Variants in CRPPA observed in about 807,000 individuals in gnomAD.
CRPPA encodes the protein D-ribitol-5-phosphate cytidylyltransferase.
Under a neutral mutation model 52.0 loss-of-function variants are expected in CRPPA, and 43 were observed. The observed-to-expected ratio is 0.83, with a 90% CI of 0.65 to 1.07. CRPPA has a LOEUF of 1.07. Ranked by LOEUF, CRPPA falls within the 50% of genes least tolerant of loss-of-function variation. CRPPA has a pLI of 0.00. For synonymous variants in CRPPA, 250 were observed against 203.5 expected, an observed-to-expected ratio of 1.23 and a Z score of -1.94; for missense variants, 629 against 551.7, an observed-to-expected ratio of 1.14 and a Z score of -1.40.
At chr7:16,316,871 ATTAAG>A in intron 3 of CRPPA, among the ~76,000 whole-genome samples, 1 of 152,202 alleles carries the variant, frequency 6.6e-6, no homozygotes, top group Non-Finnish European at 1.5e-5. Context: ...ATAGAAAAAT[ATTAAG>A]TTATTTAAAA....
intron 2 of CRPPA, among the ~76,000 whole-genome samples, chr7:16,379,229 T>G (rs1430606726): frequency 6.6e-6 from 1 of 152,230 alleles, no homozygotes; most frequent in Non-Finnish European, 1.5e-5. Context: ...TCTAGGGTTT[T>G]TATGGTTTTA....
At chr7:16,274,832 G>A (rs1158370764) in intron 6 of CRPPA, among the ~76,000 whole-genome samples, 5 of 152,106 alleles carry the variant, frequency 3.3e-5, no homozygotes, top group African/African-American at 7.2e-5. Flanking sequence ...GAACAATAAA[G>A]GGGAGAAAGA....
In CRPPA at chr7:16,125,413, T is replaced by TTA. The variant is rs563060120; in HGVS notation, c.1252-33616_1252-33615dup. Among the ~76,000 whole-genome samples, 688 of 152,232 alleles carry TTA rather than the reference T, an allele frequency of 4.5e-3. 6 individuals carry two copies. The highest frequency in any genetic ancestry group is 0.015 in the African/African-American group (631 of 41,542). ...TCTCTGTCATTTACTATGGGGCCAT[T>TTA]TATATAGCATACAATTTATCTAAAA... is the stretch of plus-strand genomic sequence containing the variant. On this transcript the variant is annotated intron_variant, in intron 9 of 9. Coordinates refer to ENST00000407010, the MANE Select transcript of CRPPA (RefSeq NM_001101426.4).
At chr7:16,101,794 C>T (rs938839453) in intron 9 of CRPPA, among the ~76,000 whole-genome samples, 5 of 152,008 alleles carry the variant, frequency 3.3e-5, no homozygotes, top group Admixed American at 3.3e-4. Context: ...CCACTGCTCA[C>T]GGAAATAAGA....
chr7:16,287,995 G>A (rs572644280), intron 5 of CRPPA, among the ~76,000 whole-genome samples: 4 of 152,156 alleles, frequency 2.6e-5, no homozygotes, highest in South Asian at 4.2e-4. Flanking sequence ...TCTACAGAGG[G>A]AAGACTATGT....
chr7:16,232,505 C>T (rs1008905414), intron 8 of CRPPA, among the ~76,000 whole-genome samples: 3 of 152,142 alleles, frequency 2.0e-5, no homozygotes, highest in Non-Finnish European at 2.9e-5. Context: ...TTGGACTTGC[C>T]AGTCTCCAGA....
At position 16,235,572 on chromosome 7, in the gene CRPPA, G is replaced by A. The variant is rs112656733; in HGVS notation, c.1120-19375C>T. 5.9e-4 allele frequency among the ~76,000 whole-genome samples: 90 copies of A among 152,160 alleles called. 1 individual carries two copies. Among genetic ancestry groups the A allele is most frequent in the African/African-American group, 2.1e-3 (86 of 41,536 alleles). On this transcript the variant is annotated intron_variant, in intron 8 of 9. Coordinates refer to ENST00000407010, the MANE Select transcript of CRPPA (RefSeq NM_001101426.4). ...TGACTGCTTTGACATGAAAACAGCA[G>A]AGTTGATAGTTGTGACAAAGACTGT...
intron 4 of CRPPA, among the ~76,000 whole-genome samples, chr7:16,305,857 G>A (rs1022831231): frequency 2.0e-5 from 3 of 152,184 alleles, no homozygotes; most frequent in Non-Finnish European, 4.4e-5. Context: ...ACTCCAACCT[G>A]ATGACAGAGC....
intron 6 of CRPPA, among the ~76,000 whole-genome samples, 189 bp from the exon 7 acceptor site, chr7:16,259,201 G>T (rs887511192): frequency 6.6e-6 from 1 of 151,928 alleles, no homozygotes; most frequent in Non-Finnish European, 1.5e-5. Flanking sequence ...TATGAATAAT[G>T]CATATTTTAG....
At chr7:16,138,288 C>T (rs961771603) in intron 9 of CRPPA, among the ~76,000 whole-genome samples, 21 of 152,048 alleles carry the variant, frequency 1.4e-4, no homozygotes, top group Admixed American at 7.9e-4. Context: ...TCTACAATGC[C>T]TCAAGAAGAG....
At chr7:16,177,561 T>C (rs1781328205) in intron 9 of CRPPA, among the ~76,000 whole-genome samples, 2 of 152,232 alleles carry the variant, frequency 1.3e-5, no homozygotes, top group South Asian at 4.2e-4. Context: ...AACATACGTA[T>C]ATGTTTCTAC....
chr7:16,417,336 A>G lies in CRPPA; in HGVS notation c.257+3730T>C, dbSNP rs549712202. On this transcript the variant is annotated intron_variant, in intron 1 of 9. Transcript: ENST00000407010. ...ACAAATGCTTCTACCAAAAAGATGC[A>G]TGCACCATGTTCATCACAGTGCTAT... 1.4e-3 allele frequency among the ~76,000 whole-genome samples: 219 copies of G among 152,360 alleles called. 2 individuals are homozygous for G. The highest frequency in any genetic ancestry group is 5.1e-3 in the African/African-American group (214 of 41,590).
intron 8 of CRPPA, among the ~76,000 whole-genome samples, chr7:16,232,489 A>AT (rs1365920179): frequency 6.6e-6 from 1 of 152,162 alleles, no homozygotes; most frequent in African/African-American, 2.4e-5. Flanking sequence ...TGTCAGTAGC[A>AT]TGCTCTTGGA....
chr7:16,218,144 C>G (rs1324456979), intron 8 of CRPPA, among the ~76,000 whole-genome samples: 1 of 151,942 alleles, frequency 6.6e-6, no homozygotes, highest in Non-Finnish European at 1.5e-5. Flanking sequence ...ATTCAACATT[C>G]TTAAAGAAAA....
intron 9 of CRPPA, among the ~76,000 whole-genome samples, chr7:16,215,775 CAATTTT>C (rs1274319789): frequency 3.3e-5 from 5 of 152,118 alleles, no homozygotes; most frequent in African/African-American, 7.2e-5. Context: ...ATTTGAAATT[CAATTTT>C]AACTGGGAAA....
chr7:16,362,315 T>C, intron 3 of CRPPA, among the ~76,000 whole-genome samples: 1 of 152,194 alleles, frequency 6.6e-6, no homozygotes, highest in Non-Finnish European at 1.5e-5. Flanking sequence ...GGGGAAAGCA[T>C]CTTCTCATGG....
intron 9 of CRPPA, among the ~76,000 whole-genome samples, chr7:16,141,879 T>A (rs1782879656): frequency 6.6e-6 from 1 of 152,176 alleles, no homozygotes; most frequent in Non-Finnish European, 1.5e-5. Flanking sequence ...CTGTCCTCTA[T>A]CCTGTCACCC....
At chr7:16,414,893 AC>A (rs557354601) in intron 1 of CRPPA, among the ~76,000 whole-genome samples, 10 of 152,328 alleles carry the variant, frequency 6.6e-5, no homozygotes, top group African/African-American at 2.2e-4. Flanking sequence ...ATTCTGGACT[AC>A]CATTCTTTAA....
chr7:16,199,933 C>T (rs1010728200), intron 9 of CRPPA, among the ~76,000 whole-genome samples: 2 of 148,952 alleles, frequency 1.3e-5, no homozygotes, highest in Non-Finnish European at 3.0e-5. Flanking sequence ...TCTCAGCTCA[C>T]TGCAAGCTCT....
Sources: allele counts gnomAD v4.1 joint callset (sites outside exome capture counted in the v4.1 genomes callset), GRCh38; gene constraint gnomAD v4.1.1; transcripts MANE v1.5; gene names NCBI Gene and HGNC (gene_info 2026-07-23, HGNC 2026-07-21).